The following MEGF8 variants were observed in gnomAD, a reference collection of about 807,000 sequenced individuals.
The protein encoded by MEGF8 is multiple EGF like domains 8, also known as multiple epidermal growth factor-like domains protein 8.
A neutral mutation model predicts 302.9 loss-of-function variants in MEGF8; 156 were observed. That is an observed-to-expected ratio of 0.52 (90% confidence interval 0.45 to 0.59). MEGF8 has a LOEUF of 0.59. Among genes scored for constraint, MEGF8 ranks in the 20% least tolerant of loss-of-function variants. MEGF8 has a pLI of 0.00. For synonymous variants in MEGF8, 1,621 were observed against 1,660.5 expected (o/e 0.98, Z 0.58); for missense variants, 3,345 against 3,964.5 (o/e 0.84, Z 4.20).
chr19:42,335,924 C>A lies in MEGF8; in HGVS notation c.829-7C>A. On this transcript the variant is annotated splice_region_variant and splice_polypyrimidine_tract_variant and intron_variant, in intron 5 of 41. Coordinates refer to ENST00000251268, the MANE Select transcript of MEGF8 (RefSeq NM_001271938.2). ...CTCTACCTCTGTCTCTTTTCTCTTC[C>A]TCACAGGCTGCCCGTCACTCCCATG... The A allele has an allele frequency of 6.8e-7, 1 of 1,460,154 alleles. No individual in the cohort carries two copies. Among genetic ancestry groups the A allele is most frequent in the Admixed American group, 2.5e-5 (1 of 40,658 alleles). 90.4% of individuals were successfully genotyped at this position (1,460,154 alleles called of 1,614,324 possible).
intron 3 of MEGF8, among the ~76,000 whole-genome samples, chr19:42,334,640 C>G (rs1254156972): frequency 2.0e-5 from 3 of 152,190 alleles, no homozygotes; most frequent in African/African-American, 7.2e-5. Context: ...CCTTGACCTC[C>G]CCAGATCTGA....
chr19:42,354,103 G>C lies in MEGF8; in HGVS notation c.4011+79G>C. The stretch of plus-strand genomic sequence containing the variant: ...GACCCAGCCTGCATCCTCAGACCCT[G>C]ACCCTAGTATTGCTGTTTTTTTTTT... On this transcript the variant is annotated intron_variant, in intron 22 of 41. Transcript: ENST00000251268. This position sits in a 1 kb window ranked among gnomAD's most constrained non-coding sequence, Gnocchi z 4.3. The C allele has an allele frequency of 6.9e-7, 1 of 1,447,176 alleles. No individual in the cohort carries two copies. The highest frequency in any genetic ancestry group is 9.2e-7 in the Non-Finnish European group (1 of 1,089,454). 89.6% of individuals were successfully genotyped at this position (1,447,176 alleles called of 1,614,324 possible). A position where few individuals can be genotyped will look rare whatever the true frequency, so the allele number is the denominator to read the frequency against.
At chr19:42,373,732 G>C (rs1409159919) in intron 41 of MEGF8, among the ~76,000 whole-genome samples, 2 of 24,534 alleles carry the variant, frequency 8.2e-5, no homozygotes, top group Admixed American at 9.7e-4. Context: ...TTTTTTTTTT[G>C]ATACAGGGCT....
Position 42,344,311 on chromosome 19 carries a change from T to C in MEGF8, c.1789-130T>C. 1 of 1,075,408 alleles carries C rather than the reference T, an allele frequency of 9.3e-7. No homozygotes were observed. The highest frequency in any genetic ancestry group is 1.2e-6 in the Non-Finnish European group (1 of 827,940). The allele number at this position is 1,075,408 out of a possible 1,614,324, so 66.6% of individuals were successfully genotyped here. On this transcript the variant is annotated intron_variant, in intron 10 of 41. Transcript: ENST00000251268. The surrounding 1 kb of genome is among the most constrained non-coding windows in gnomAD (Gnocchi z 4.5). Reference sequence around the variant, plus strand: ...TCCCCCGTCCTCTGGATCTCCCACATTCCAAGTCAACTCCCCGTTCTTCAG... The same window carrying C: ...TCCCCCGTCCTCTGGATCTCCCACACTCCAAGTCAACTCCCCGTTCTTCAG...
At position 42,346,495 on chromosome 19, in the gene MEGF8, T is replaced by C. The variant is rs367745598; in HGVS notation, c.2097+1662T>C. Among the ~76,000 whole-genome samples, 10 of 151,932 alleles carry C rather than the reference T, an allele frequency of 6.6e-5. No individual in the cohort carries two copies. The South Asian group carries it at 1.9e-3, about 28-fold the overall frequency. On this transcript the variant is annotated intron_variant, in intron 12 of 41. Coordinates refer to ENST00000251268, the MANE Select transcript of MEGF8 (RefSeq NM_001271938.2). ...AGTTTGAGATCAGCCTGGCCAACAT[T>C]ACGAAATCCCATCTCTACTAAAAAT... is the stretch of plus-strand genomic sequence containing the variant.
intron 1 of MEGF8, among the ~76,000 whole-genome samples, chr19:42,327,925 T>A (rs1050539396): frequency 6.6e-6 from 1 of 152,114 alleles, no homozygotes; most frequent in South Asian, 2.1e-4. Context: ...TGAAACCCCA[T>A]CTCTACTAAA....
chr19:42,354,041 C>A lies in MEGF8; in HGVS notation c.4011+17C>A. ...CCCTGCACGGTGAGCACTGAGGAAA[C>A]GAGGGTTCAGGCGCATGAGCCAGAA... On this transcript the variant is annotated intron_variant, in intron 22 of 41. Transcript: ENST00000251268. The surrounding 1 kb of genome is among the most constrained non-coding windows in gnomAD (Gnocchi z 4.3). The A allele has an allele frequency of 2.5e-6, 4 of 1,582,612 alleles. No homozygotes were observed. The highest frequency in any genetic ancestry group is 3.4e-6 in the Non-Finnish European group (4 of 1,165,694).
At position 42,337,225 on chromosome 19, in the gene MEGF8, T is replaced by C; in HGVS notation, c.1513+19T>C. 3.1e-6 allele frequency: 5 copies of C among 1,612,866 alleles called. No individual in the cohort carries two copies. Among genetic ancestry groups the C allele is most frequent in the Non-Finnish European group, 3.4e-6 (4 of 1,179,824 alleles). On this transcript the variant is annotated intron_variant, in intron 8 of 41. Coordinates refer to ENST00000251268, the MANE Select transcript of MEGF8 (RefSeq NM_001271938.2). The stretch of plus-strand genomic sequence containing the variant: ...CCTGAGGGTGAGTGGTCCCTGTTCT[T>C]CCCTAGGGGCTCCTGAGGGTCCCAC...
At position 42,336,691 on chromosome 19, in the gene MEGF8, C is replaced by T; in HGVS notation, c.1245-116C>T. 2.1e-6 allele frequency: 3 copies of T among 1,428,346 alleles called. No individual in the cohort carries two copies. Among genetic ancestry groups the T allele is most frequent in the Non-Finnish European group, 2.8e-6 (3 of 1,065,032 alleles). 88.5% of individuals were successfully genotyped at this position (1,428,346 alleles called of 1,614,324 possible). Reference sequence around the variant, plus strand: ...CAGGGAACTTCTAGTTTGGAGGGGACATAGAGTCAGTCATGGCCAGTCTCA... The same window carrying T: ...CAGGGAACTTCTAGTTTGGAGGGGATATAGAGTCAGTCATGGCCAGTCTCA... On this transcript the variant is annotated intron_variant, in intron 6 of 41. Transcript: ENST00000251268. The surrounding 1 kb of genome is among the most constrained non-coding windows in gnomAD (Gnocchi z 4.8).
Position 42,326,362 on chromosome 19 carries a change from C to T in MEGF8, c.119C>T (p.Ala40Val), listed in dbSNP as rs1017586579. 7 of 1,587,230 alleles carry T rather than the reference C, an allele frequency of 4.4e-6. No homozygotes were observed. The highest frequency in any genetic ancestry group is 3.4e-5 in the South Asian group (3 of 87,716). ...CKGQRQVLRE[A>V]PGFVTDGAGN... ...GGGCAGCGGCAGGTGCTGCGGGAGG[C>T]GCCAGGCTTCGTGACGGATGGTGCG... is the stretch of plus-strand genomic sequence containing the variant. The change falls in exon 1 of 42, where the codon GCG becomes GTG. Residue 40 changes from alanine to valine, a missense_variant. Coordinates refer to ENST00000251268, the MANE Select transcript of MEGF8 (RefSeq NM_001271938.2).
chr19:42,327,310 G>T (rs977350239), intron 1 of MEGF8, among the ~76,000 whole-genome samples: 6 of 152,222 alleles, frequency 3.9e-5, no homozygotes, highest in African/African-American at 1.4e-4. Flanking sequence ...AATCCCTGGT[G>T]ACTTAGGTCT....
At position 42,351,476 on chromosome 19, in the gene MEGF8, G is replaced by T; in HGVS notation, c.2903G>T (p.Trp968Leu). Residue 968 changes from tryptophan to leucine, a missense_variant, in exon 17 of 42, where the codon TGG becomes TTG. Transcript: ENST00000251268. This position sits in a 1 kb window ranked among gnomAD's most constrained non-coding sequence, Gnocchi z 5.6. ...CTGGCCAACTCTAGCCAGTGCGCCTGGTGCCAGTCCACCCACACCTGCTTC... is the reference window on the plus strand; with the variant it reads ...CTGGCCAACTCTAGCCAGTGCGCCTTGTGCCAGTCCACCCACACCTGCTTC... The part of the protein sequence containing the change: ...DCLANSSQCA[W>L]CQSTHTCFLF... The T allele has an allele frequency of 6.2e-7, 1 of 1,603,462 alleles. No homozygotes were observed. The highest frequency in any genetic ancestry group is 8.5e-7 in the Non-Finnish European group (1 of 1,175,470).
At chr19:42,349,302 GAAAAA>G (rs1268884391) in intron 13 of MEGF8, among the ~76,000 whole-genome samples, 192 bp from the exon 14 acceptor site, 2 of 57,024 alleles carry the variant, frequency 3.5e-5, no homozygotes, top group East Asian at 5.9e-4. Flanking sequence ...CCTGTCTCAA[GAAAAA>G]AAAAAAAAAA....
At position 42,336,251 on chromosome 19, in the gene MEGF8, C is replaced by T. The variant is rs759776106; in HGVS notation, c.1149C>T (p.Gly383=). The change falls in exon 6 of 42, where the codon GGC becomes GGT. Residue 383 remains glycine (G), a synonymous_variant. Coordinates refer to ENST00000251268, the MANE Select transcript of MEGF8 (RefSeq NM_001271938.2). The surrounding 1 kb of genome is among the most constrained non-coding windows in gnomAD (Gnocchi z 4.8). The part of the protein sequence containing the change: ...GGYWEQVIPA[G]GRPPAATGHS... ...ATTGGGAGCAGGTGATTCCGGCAGG[C>T]GGACGGCCCCCTGCTGCCACTGGCC... 1.0e-5 allele frequency: 16 copies of T among 1,606,524 alleles called. No homozygotes were observed. Among genetic ancestry groups the T allele is most frequent in the Non-Finnish European group, 1.0e-5 (12 of 1,179,702 alleles).
chr19:42,359,095 C>G lies in MEGF8; in HGVS notation c.5344-3C>G. 1 of 1,335,644 alleles carries G rather than the reference C, an allele frequency of 7.5e-7. No homozygotes were observed. The highest frequency in any genetic ancestry group is 1.3e-5 in the South Asian group (1 of 76,266). 82.7% of individuals were successfully genotyped at this position (1,335,644 alleles called of 1,614,324 possible). On this transcript the variant is annotated splice_polypyrimidine_tract_variant and splice_region_variant and intron_variant, in intron 30 of 41. Coordinates refer to ENST00000251268, the MANE Select transcript of MEGF8 (RefSeq NM_001271938.2). The stretch of plus-strand genomic sequence containing the variant: ...GTCCCCCCACCCCCCGTCTCCCCAA[C>G]AGCCCCGCCCCCGGCTTTTCCACGC...
chr19:42,325,999 C>T lies in MEGF8; in HGVS notation c.-245C>T. On this transcript the variant is annotated 5_prime_UTR_variant, in exon 1 of 42. Transcript: ENST00000251268. Reference sequence around the variant, plus strand: ...CTCCTACGGTCCCTAGGGTTCGGCCCCGTCCATAATGACTCCATATACAGG... The same window carrying T: ...CTCCTACGGTCCCTAGGGTTCGGCCTCGTCCATAATGACTCCATATACAGG... The T allele has an allele frequency of 2.0e-6, 1 of 507,394 alleles. No homozygotes were observed. Among genetic ancestry groups the T allele is most frequent in the East Asian group, 3.6e-5 (1 of 27,810 alleles). The allele number at this position is 507,394 out of a possible 1,614,324, so 31.4% of individuals were successfully genotyped here. A position where few individuals can be genotyped will look rare whatever the true frequency, so the allele number is the denominator to read the frequency against.
At chr19:42,365,603 CAAAAAAAA>C (rs549607065) in intron 35 of MEGF8, among the ~76,000 whole-genome samples, 1 of 53,080 alleles carries the variant, frequency 1.9e-5, no homozygotes, top group African/African-American at 7.0e-5. Context: ...CTCATCTCTA[CAAAAAAAA>C]AAAAAAAAAA....
intron 3 of MEGF8, 79 bp downstream of exon 3, chr19:42,334,292 C>T (rs2039094070): frequency 2.9e-5 from 39 of 1,339,050 alleles, no homozygotes; most frequent in Non-Finnish European, 3.8e-5. Flanking sequence ...CTAGGTCTGA[C>T]CTTGCTCCTG....
Position 42,353,144 on chromosome 19 carries a change from C to T in MEGF8, c.3550+17C>T. 1 of 1,532,278 alleles carries T rather than the reference C, an allele frequency of 6.5e-7. No homozygotes were observed. The highest frequency in any genetic ancestry group is 2.5e-5 in the East Asian group (1 of 40,702). The allele number at this position is 1,532,278 out of a possible 1,614,324, so 94.9% of individuals were successfully genotyped here. On this transcript the variant is annotated intron_variant, in intron 20 of 41. Transcript: ENST00000251268. The surrounding 1 kb of genome is among the most constrained non-coding windows in gnomAD (Gnocchi z 6.1). ...AGTGCCAGGGTAAGCAGCCCTTGTC[C>T]TGGGCCCAGCCTGGACCCAGGGAGC...
Sources: gnomAD v4.1 joint callset for allele counts (sites outside exome capture counted in the v4.1 genomes callset) on GRCh38, gnomAD v4.1.1 for gene constraint, Gnocchi (gnomAD v3.1) non-coding constraint, MANE v1.5 for transcripts, NCBI Gene and HGNC (gene_info 2026-07-23, HGNC 2026-07-21) for gene names.